EPHA7: variants seen among roughly 807,000 people sequenced by gnomAD.
The protein encoded by EPHA7 is EPH receptor A7.
A neutral mutation model predicts 112.6 loss-of-function variants in EPHA7; 25 were observed. That is an observed-to-expected ratio of 0.22 (90% CI 0.16 to 0.31). The LOEUF (loss-of-function observed/expected upper bound fraction) is 0.31. Among genes scored for constraint, EPHA7 ranks in the 10% least tolerant of loss-of-function variants. The pLI, the probability that EPHA7 is intolerant of heterozygous loss-of-function variation, is 1.00. For synonymous variants in EPHA7, 437 were observed against 406.5 expected (o/e 1.07, Z -0.90); for missense variants, 962 against 1,212.6 (o/e 0.79, Z 3.07).
At chr6:93,395,048 A>G (rs1406207542) in intron 3 of EPHA7, among the ~76,000 whole-genome samples, 1 of 151,814 alleles carries the variant, frequency 6.6e-6, no homozygotes, top group Non-Finnish European at 1.5e-5. Context: ...TTACAGTACT[A>G]TGGAAAATCC....
intron 5 of EPHA7, among the ~76,000 whole-genome samples, chr6:93,332,254 CA>C (rs1008320438): frequency 5.3e-5 from 8 of 150,490 alleles, no homozygotes; most frequent in African/African-American, 2.0e-4. Flanking sequence ...ATAAAGCAAG[CA>C]AAAAATAAAC....
Position 93,259,297 on chromosome 6 carries a change from T to C in EPHA7, c.1924+57A>G, listed in dbSNP as rs997837265. On this transcript the variant is annotated intron_variant, in intron 10 of 16. Coordinates refer to ENST00000369303, the MANE Select transcript of EPHA7 (RefSeq NM_004440.4). ...ATTATTTGCCTGTCATTATGATGTA[T>C]GACTTTCGATCTTGGCTAAATGGAA... 5 of 1,601,002 alleles carry C rather than the reference T, an allele frequency of 3.1e-6. No homozygotes were observed. In the African/African-American group the frequency reaches 4.0e-5, roughly 13 times the overall value.
At chr6:93,346,361 A>C (rs1296233727) in intron 5 of EPHA7, among the ~76,000 whole-genome samples, 1 of 151,794 alleles carries the variant, frequency 6.6e-6, no homozygotes, top group East Asian at 1.9e-4. Flanking sequence ...AATAACACTT[A>C]GAGAAATGGG....
intron 1 of EPHA7, among the ~76,000 whole-genome samples, chr6:93,418,684 A>G (rs1242585617): frequency 1.3e-5 from 2 of 152,094 alleles, no homozygotes; most frequent in African/African-American, 4.8e-5. Context: ...CAACCGCAGG[A>G]CCGCGCCGCC....
intron 3 of EPHA7, among the ~76,000 whole-genome samples, chr6:93,366,269 G>T (rs1210784174): frequency 6.6e-6 from 1 of 152,136 alleles, no homozygotes; most frequent in Admixed American, 6.5e-5. Flanking sequence ...TAATTCAAAG[G>T]ATCTATGTTC....
intron 5 of EPHA7, among the ~76,000 whole-genome samples, chr6:93,282,698 G>T (rs543821802): frequency 6.6e-6 from 1 of 152,184 alleles, no homozygotes; most frequent in Admixed American, 6.5e-5. Flanking sequence ...GCGGGCCAGC[G>T]CGAGTTCCCG....
chr6:93,242,430 A>T lies in EPHA7; in HGVS notation c.*996T>A, dbSNP rs1400195550. 1 of 193,856 alleles carries T rather than the reference A, an allele frequency of 5.2e-6. No individual in the cohort carries two copies. The highest frequency in any genetic ancestry group is 1.1e-5 in the Non-Finnish European group (1 of 92,780). The allele number at this position is 193,856 out of a possible 1,614,324, so 12.0% of individuals were successfully genotyped here. On this transcript the variant is annotated 3_prime_UTR_variant, in exon 17 of 17. Coordinates refer to ENST00000369303, the MANE Select transcript of EPHA7 (RefSeq NM_004440.4). ...AGAAGAGGATATAAAATATATGTCA[A>T]CTATTTATCCTAAATTTCCTAATGT...
intron 3 of EPHA7, among the ~76,000 whole-genome samples, chr6:93,374,544 T>C (rs907205042): frequency 5.9e-5 from 9 of 152,336 alleles, no homozygotes; most frequent in African/African-American, 1.9e-4. Flanking sequence ...GCCAAATATG[T>C]TGTGGTTTTA....
At chr6:93,327,011 C>T (rs566390246) in intron 5 of EPHA7, among the ~76,000 whole-genome samples, 12 of 151,618 alleles carry the variant, frequency 7.9e-5, no homozygotes, top group East Asian at 3.9e-4. Context: ...ATTTGTATGA[C>T]GGTTAATCTG....
chr6:93,374,939 A>G (rs1776978382), intron 3 of EPHA7, among the ~76,000 whole-genome samples: 1 of 152,180 alleles, frequency 6.6e-6, no homozygotes, highest in South Asian at 2.1e-4. Context: ...AAAAGATAAT[A>G]TTGCTTCCTC....
intron 5 of EPHA7, among the ~76,000 whole-genome samples, chr6:93,349,444 T>C (rs1775575858): frequency 6.6e-6 from 1 of 151,896 alleles, no homozygotes; most frequent in Admixed American, 6.6e-5. Context: ...AATGCATATT[T>C]TGAACAGTTT....
intron 3 of EPHA7, among the ~76,000 whole-genome samples, chr6:93,407,157 C>T (rs1778758847): frequency 6.6e-6 from 1 of 151,922 alleles, no homozygotes; most frequent in Non-Finnish European, 1.5e-5. Flanking sequence ...AACCTACAAT[C>T]AGTTTTTTAT....
chr6:93,400,482 T>C (rs1778385745), intron 3 of EPHA7, among the ~76,000 whole-genome samples: 1 of 152,064 alleles, frequency 6.6e-6, no homozygotes, highest in Non-Finnish European at 1.5e-5. Context: ...TCACCCCTAA[T>C]CCCTCTCCTG....
chr6:93,298,756 AT>A (rs748023739), intron 5 of EPHA7, among the ~76,000 whole-genome samples: 6 of 152,172 alleles, frequency 3.9e-5, no homozygotes, highest in African/African-American at 7.2e-5. Flanking sequence ...GTAGTTAAAT[AT>A]TTCTGGAGGT....
At chr6:93,366,329 C>T (rs747394612) in intron 3 of EPHA7, among the ~76,000 whole-genome samples, 2 of 152,212 alleles carry the variant, frequency 1.3e-5, no homozygotes, top group Non-Finnish European at 2.9e-5. Flanking sequence ...AGCCACTTCA[C>T]ATTAGGCTTC....
At chr6:93,269,408 A>G (rs1382736425) in intron 7 of EPHA7, 69 bp downstream of exon 7, 17 of 1,338,218 alleles carry the variant, frequency 1.3e-5, no homozygotes, top group Non-Finnish European at 1.6e-5. Context: ...GATCACCTCA[A>G]TATTGAAAAA....
At position 93,410,360 on chromosome 6, in the gene EPHA7, C is replaced by A; in HGVS notation, c.832+141G>T. ...ACTGTAGGGCAATCACTAAGTTCAA[C>A]GGTGACTTTGTTTAAGATCTACTGA... On this transcript the variant is annotated intron_variant, in intron 3 of 16. Coordinates refer to ENST00000369303, the MANE Select transcript of EPHA7 (RefSeq NM_004440.4). This position sits in a 1 kb window ranked among gnomAD's most constrained non-coding sequence, Gnocchi z 4.0. 1 of 715,028 alleles carries A rather than the reference C, an allele frequency of 1.4e-6. No homozygotes were observed. The highest frequency in any genetic ancestry group is 2.3e-6 in the Non-Finnish European group (1 of 432,444). The allele number at this position is 715,028 out of a possible 1,614,324, so 44.3% of individuals were successfully genotyped here.
intron 5 of EPHA7, among the ~76,000 whole-genome samples, chr6:93,333,673 T>C (rs1191572639): frequency 1.3e-5 from 2 of 151,948 alleles, no homozygotes; most frequent in Admixed American, 6.6e-5. Flanking sequence ...CTGTATGTTC[T>C]CTTCAAAGCA....
chr6:93,256,435 A>C (rs911958545), intron 12 of EPHA7, among the ~76,000 whole-genome samples: 3 of 152,072 alleles, frequency 2.0e-5, no homozygotes, highest in Non-Finnish European at 4.4e-5. Flanking sequence ...ACATATAATA[A>C]GGTTTATTTT....
Sources: allele counts gnomAD v4.1 joint callset (sites outside exome capture counted in the v4.1 genomes callset), GRCh38; gene constraint gnomAD v4.1.1; non-coding constraint Gnocchi (gnomAD v3.1); transcripts MANE v1.5; gene names NCBI Gene and HGNC (gene_info 2026-07-23, HGNC 2026-07-21).